The following MAF variants were observed in gnomAD, a reference collection of about 807,000 sequenced individuals.
MAF encodes the protein MAF bZIP transcription factor.
In MAF, 10 loss-of-function variants were observed where a neutral mutation model predicts 22.0. The ratio of observed to expected loss-of-function variants is 0.45; its 90% CI spans 0.28 to 0.77. MAF has a LOEUF of 0.77. MAF is among the 30% of genes least tolerant of loss of function. The probability of loss-of-function intolerance (pLI) is 0.12; values close to 1 mark genes in which losing one functional copy is unlikely to be tolerated. For missense variants in MAF, 544 were observed against 548.4 expected (o/e 0.99, Z 0.08); for synonymous variants, 337 against 255.8 (o/e 1.32, Z -3.03).
the MAF span, among the ~76,000 whole-genome samples, chr16:79,325,641 C>T: frequency 1.1e-4 from 16 of 152,080 alleles, no homozygotes; most frequent in African/African-American, 3.4e-4. Flanking sequence ...AACACACACA[C>T]ACAGACCTTT....
chr16:79,481,749 T>C, the MAF span, among the ~76,000 whole-genome samples: 6 of 152,166 alleles, frequency 3.9e-5, no homozygotes, highest in African/African-American at 1.4e-4. Flanking sequence ...GGTACTCACT[T>C]ATTCATTAAT....
At chr16:79,467,528 G>A in the MAF span, among the ~76,000 whole-genome samples, 1 of 152,200 alleles carries the variant, frequency 6.6e-6, no homozygotes, top group African/African-American at 2.4e-5. Flanking sequence ...ACCATACAGT[G>A]TGTAAGTAGG....
chr16:79,482,191 G>A, the MAF span, among the ~76,000 whole-genome samples: 1 of 152,216 alleles, frequency 6.6e-6, no homozygotes, highest in East Asian at 1.9e-4. Context: ...CTAACAGCCT[G>A]TCCTCCTAAT....
At chr16:79,260,985 C>T in the MAF span, among the ~76,000 whole-genome samples, 4 of 151,154 alleles carry the variant, frequency 2.6e-5, no homozygotes, top group Non-Finnish European at 4.4e-5. Context: ...GGTCAGGGTA[C>T]AGGAGAGGAG....
chr16:79,362,864 A>AT, the MAF span, among the ~76,000 whole-genome samples: 1 of 152,246 alleles, frequency 6.6e-6, no homozygotes. Flanking sequence ...GAAAGTGTGC[A>AT]TTTATATCTT....
the MAF span, among the ~76,000 whole-genome samples, chr16:79,476,654 C>A: frequency 2.6e-5 from 4 of 152,044 alleles, no homozygotes; most frequent in African/African-American, 9.7e-5. Context: ...GTTGTGAGGG[C>A]GAAAAGGAGC....
chr16:79,451,913 G>A, the MAF span, among the ~76,000 whole-genome samples: 7 of 152,114 alleles, frequency 4.6e-5, no homozygotes, highest in African/African-American at 1.7e-4. Context: ...TATATTTACT[G>A]AGCACTTACA....
chr16:79,588,900 AC>A (rs1326966559), downstream of MAF, among the ~76,000 whole-genome samples: 1 of 152,250 alleles, frequency 6.6e-6, no homozygotes, highest in Non-Finnish European at 1.5e-5. Context: ...ATGGAAAGAC[AC>A]AAACATCACC....
the MAF span, among the ~76,000 whole-genome samples, chr16:79,409,975 T>C: frequency 1.3e-5 from 2 of 152,214 alleles, no homozygotes; most frequent in African/African-American, 4.8e-5. Context: ...TCCATACCTC[T>C]ATATTTGAGT....
the MAF span, chr16:79,203,932 C>T: frequency 1.3e-5 from 2 of 152,130 alleles, no homozygotes; most frequent in African/African-American, 4.8e-5. Context: ...CAAATAAACA[C>T]ACACTAAATA....
chr16:79,383,016 T>A, the MAF span, among the ~76,000 whole-genome samples: 1 of 152,226 alleles, frequency 6.6e-6, no homozygotes, highest in East Asian at 1.9e-4. Context: ...GCATAGCATG[T>A]ACACTATTTC....
Position 79,599,897 on chromosome 16 carries a change from T to C in MAF, c.6A>G (p.Ala2=), listed in dbSNP as rs974521102. M[A]SELAMSNSDL... ...CGGAGTTGCTCATTGCCAGTTCTGA[T>C]GCCATTCTCCTGCCGCCGCCGCCGC... Residue 2 remains alanine, a synonymous_variant, in exon 1 of 2, where the codon GCA becomes GCG. Coordinates refer to ENST00000326043, the MANE Select transcript of MAF (RefSeq NM_005360.5). The C allele has an allele frequency of 6.3e-7, 1 of 1,579,488 alleles. No individual in the cohort carries two copies. Among genetic ancestry groups the C allele is most frequent in the African/African-American group, 1.5e-5 (1 of 65,888 alleles).
the MAF span, among the ~76,000 whole-genome samples, chr16:79,365,124 A>AGTATAGGAG: frequency 6.6e-6 from 1 of 152,208 alleles, no homozygotes; most frequent in Non-Finnish European, 1.5e-5. Flanking sequence ...TGGGTTTACT[A>AGTATAGGAG]GTATAGGAGC....
the MAF span, among the ~76,000 whole-genome samples, chr16:79,237,349 C>A: frequency 0.072 from 10,887 of 152,024 alleles, 574 homozygotes; most frequent in Middle Eastern, 0.15. Flanking sequence ...AGCCTCATGG[C>A]GTTTGCTGGT....
intron 1 of MAF, among the ~76,000 whole-genome samples, chr16:79,587,640 G>T (rs377056054): frequency 2.0e-4 from 31 of 152,204 alleles, no homozygotes; most frequent in African/African-American, 7.5e-4. Flanking sequence ...ATAATTGGAC[G>T]TAGGCTTTGC....
chr16:79,415,605 T>C, the MAF span, among the ~76,000 whole-genome samples: 4 of 152,106 alleles, frequency 2.6e-5, no homozygotes, highest in African/African-American at 9.7e-5. Flanking sequence ...CTTTTCCTTC[T>C]GCAGCTACAA....
At chr16:79,204,332 C>G in the MAF span, 2 of 152,078 alleles carry the variant, frequency 1.3e-5, no homozygotes, top group African/African-American at 2.4e-5. Flanking sequence ...TGGGCAGGCA[C>G]AAATGGAAGA....
chr16:79,360,113 C>G, the MAF span, among the ~76,000 whole-genome samples: 1 of 152,174 alleles, frequency 6.6e-6, no homozygotes, highest in Non-Finnish European at 1.5e-5. Context: ...AGGGAGCTGT[C>G]CATGAGAGAG....
chr16:79,413,269 G>A, the MAF span, among the ~76,000 whole-genome samples: 2 of 102,422 alleles, frequency 2.0e-5, no homozygotes, highest in Non-Finnish European at 3.8e-5. Context: ...TTGAGACGGA[G>A]TCTCGCTCTG....
Sources: gnomAD v4.1 joint callset for allele counts (sites outside exome capture counted in the v4.1 genomes callset) on GRCh38, gnomAD v4.1.1 for gene constraint, MANE v1.5 for transcripts, NCBI Gene and HGNC (gene_info 2026-07-23, HGNC 2026-07-21) for gene names.